The following CCDC192 variants were observed in gnomAD, a reference collection of about 807,000 sequenced individuals.
CCDC192 encodes coiled-coil domain containing 192, also known as coiled-coil domain-containing protein 192.
At chr5:127,833,713 C>G (rs1749901812) in intron 5 of CCDC192, among the ~76,000 whole-genome samples, 1 of 152,036 alleles carries the variant, frequency 6.6e-6, no homozygotes, top group African/African-American at 2.4e-5. Context: ...AATAGAAAAC[C>G]TATATTTTCT....
chr5:127,734,528 T>C (rs1192460656), intron 2 of CCDC192, among the ~76,000 whole-genome samples: 2 of 146,674 alleles, frequency 1.4e-5, no homozygotes, highest in Middle Eastern at 3.4e-3. Context: ...GTTGAACTAG[T>C]TTACAGTCCC....
chr5:127,714,338 T>C (rs1751502086), intron 2 of CCDC192, among the ~76,000 whole-genome samples: 1 of 152,190 alleles, frequency 6.6e-6, no homozygotes, highest in South Asian at 2.1e-4. Flanking sequence ...ACTAATTTCA[T>C]TTGCTTTGGA....
chr5:127,784,958 C>A, intron 3 of CCDC192: 2 of 474,134 alleles, frequency 4.2e-6, no homozygotes, highest in South Asian at 1.7e-5. Flanking sequence ...GTCTTCAATT[C>A]CACCTCATCA....
At chr5:127,921,699 T>C (rs1171117578) in intron 6 of CCDC192, among the ~76,000 whole-genome samples, 1 of 152,070 alleles carries the variant, frequency 6.6e-6, no homozygotes, top group Non-Finnish European at 1.5e-5. Flanking sequence ...TTGTCCAAGG[T>C]TTTAGGAAAT....
intron 6 of CCDC192, among the ~76,000 whole-genome samples, chr5:127,884,881 G>T (rs10491253): frequency 0.034 from 5,190 of 152,018 alleles, 202 homozygotes; most frequent in Middle Eastern, 0.11. Flanking sequence ...TCCTTCCTTT[G>T]CGAGAGGTCT....
chr5:127,874,180 C>A (rs1751975126), intron 5 of CCDC192, among the ~76,000 whole-genome samples: 1 of 152,194 alleles, frequency 6.6e-6, no homozygotes, highest in Admixed American at 6.5e-5. Flanking sequence ...TGTTGTGGCT[C>A]ACGGTACCTC....
intron 5 of CCDC192, among the ~76,000 whole-genome samples, chr5:127,818,983 A>G (rs948503995): frequency 1.3e-5 from 2 of 152,192 alleles, no homozygotes; most frequent in African/African-American, 2.4e-5. Context: ...AATACCCCAC[A>G]TAATGGATTC....
At chr5:127,712,602 A>G (rs939341100) in intron 2 of CCDC192, among the ~76,000 whole-genome samples, 6 of 152,176 alleles carry the variant, frequency 3.9e-5, no homozygotes, top group Non-Finnish European at 2.9e-5. Context: ...TCAAATTACC[A>G]AGCCTCAGAT....
intron 6 of CCDC192, among the ~76,000 whole-genome samples, chr5:127,935,939 T>C (rs1021431607): frequency 6.6e-6 from 1 of 152,106 alleles, no homozygotes; most frequent in African/African-American, 2.4e-5. Context: ...ATCCCGTCTC[T>C]ACTAAAAATA....
At chr5:127,794,367 T>C (rs1477922039) in intron 3 of CCDC192, among the ~76,000 whole-genome samples, 1 of 152,180 alleles carries the variant, frequency 6.6e-6, no homozygotes, top group Non-Finnish European at 1.5e-5. Flanking sequence ...TCATATAATT[T>C]TGTTGAAACT....
At chr5:127,791,476 G>T (rs1189142962) in intron 3 of CCDC192, among the ~76,000 whole-genome samples, 4 of 152,178 alleles carry the variant, frequency 2.6e-5, no homozygotes, top group Admixed American at 2.6e-4. Flanking sequence ...TACTGAACTG[G>T]CAAGAACTGT....
chr5:127,820,719 T>G (rs1338011292), intron 5 of CCDC192, among the ~76,000 whole-genome samples: 3 of 152,216 alleles, frequency 2.0e-5, no homozygotes, highest in Non-Finnish European at 4.4e-5. Flanking sequence ...GTTATTTTTT[T>G]TAAGTTGATT....
chr5:127,785,153 T>C, intron 3 of CCDC192: 2 of 526,162 alleles, frequency 3.8e-6, no homozygotes, highest in African/African-American at 3.8e-5. Flanking sequence ...GTATATCTGT[T>C]TGTAAAGCAG....
At chr5:127,761,111 A>T (rs1016565091) in intron 3 of CCDC192, among the ~76,000 whole-genome samples, 2 of 152,100 alleles carry the variant, frequency 1.3e-5, no homozygotes, top group African/African-American at 4.8e-5. Context: ...GCAAGAACCT[A>T]ATTTGGGGCA....
intron 6 of CCDC192, among the ~76,000 whole-genome samples, chr5:127,925,185 A>G (rs536019321): frequency 1.8e-4 from 28 of 152,364 alleles, no homozygotes; most frequent in African/African-American, 6.7e-4. Flanking sequence ...CTCAAGGAAT[A>G]TAACTTACCT....
intron 2 of CCDC192, among the ~76,000 whole-genome samples, chr5:127,747,108 AT>A (rs1430476341): frequency 6.8e-6 from 1 of 147,010 alleles, no homozygotes; most frequent in Non-Finnish European, 1.5e-5. Flanking sequence ...TTATTTATTT[AT>A]TTTTTTATTG....
At chr5:127,891,259 G>A (rs1752722688) in intron 6 of CCDC192, among the ~76,000 whole-genome samples, 1 of 152,130 alleles carries the variant, frequency 6.6e-6, no homozygotes, top group Non-Finnish European at 1.5e-5. Flanking sequence ...TTGCCATGTT[G>A]GCCGGGCTGG....
At chr5:127,786,907 G>T (rs575059711) in intron 3 of CCDC192, 39 of 421,120 alleles carry the variant, frequency 9.3e-5, no homozygotes, top group African/African-American at 7.7e-4. Flanking sequence ...ACATGAGTGT[G>T]GAGCTCCATG....
intron 2 of CCDC192, among the ~76,000 whole-genome samples, chr5:127,731,740 A>G (rs1184308880): frequency 1.3e-5 from 2 of 152,232 alleles, no homozygotes; most frequent in Non-Finnish European, 2.9e-5. Flanking sequence ...CAAACCTGAC[A>G]AAAATAAGCA....
Sources: allele counts gnomAD v4.1 joint callset (sites outside exome capture counted in the v4.1 genomes callset), GRCh38; gene constraint gnomAD v4.1.1; transcripts MANE v1.5; gene names NCBI Gene and HGNC (gene_info 2026-07-23, HGNC 2026-07-21).